The following SLC9B1 variants were observed in gnomAD, a reference collection of about 807,000 sequenced individuals.
SLC9B1 encodes sodium/hydrogen exchanger 9B1.
SLC9B1 carries 32 observed loss-of-function variants against 51.7 expected under a neutral mutation model. The observed-to-expected ratio is 0.62, with a 90% CI of 0.47 to 0.83. SLC9B1 has a LOEUF of 0.83. Among genes scored for constraint, SLC9B1 ranks in the 40% least tolerant of loss-of-function variants. SLC9B1 has a pLI of 0.00. For missense variants in SLC9B1, 406 were observed against 613.2 expected, an observed-to-expected ratio of 0.66 and a Z score of 3.57; for synonymous variants, 145 against 212.7, an observed-to-expected ratio of 0.68 and a Z score of 2.77.
intron 4 of SLC9B1, among the ~76,000 whole-genome samples, chr4:102,947,443 T>A (rs1375365176): frequency 6.6e-6 from 1 of 152,216 alleles, no homozygotes; most frequent in African/African-American, 2.4e-5. Context: ...GATGCAAACA[T>A]GGCTCACTGT....
intron 2 of SLC9B1, among the ~76,000 whole-genome samples, chr4:102,991,263 A>G (rs1466505084): frequency 1.3e-5 from 2 of 152,082 alleles, no homozygotes; most frequent in Admixed American, 1.3e-4. Context: ...CTTGCTCTAT[A>G]TATCTATAAA....
chr4:102,920,177 A>C (rs958250690), intron 7 of SLC9B1, among the ~76,000 whole-genome samples: 2 of 152,120 alleles, frequency 1.3e-5, no homozygotes, highest in Non-Finnish European at 2.9e-5. Flanking sequence ...ATTTAGGCGG[A>C]TGCCCCTCTT....
At chr4:102,986,806 T>C (rs1271097302) in intron 3 of SLC9B1, among the ~76,000 whole-genome samples, 1 of 152,212 alleles carries the variant, frequency 6.6e-6, no homozygotes, top group Non-Finnish European at 1.5e-5. Flanking sequence ...GTTTTTGATA[T>C]CTGGCATCTC....
intron 6 of SLC9B1, among the ~76,000 whole-genome samples, chr4:102,935,347 T>C (rs1328938974): frequency 6.6e-6 from 1 of 152,098 alleles, no homozygotes; most frequent in Non-Finnish European, 1.5e-5. Context: ...ATATCAAGGA[T>C]TTGCAAGGAT....
intron 1 of SLC9B1, among the ~76,000 whole-genome samples, chr4:103,003,783 G>A (rs548485475): frequency 1.3e-5 from 2 of 152,212 alleles, no homozygotes; most frequent in South Asian, 2.1e-4. Context: ...CAGAGCTAGG[G>A]GCCTGGTTTC....
In SLC9B1 at chr4:102,989,957, A is replaced by G. The variant is rs777163055; in HGVS notation, c.70-16T>C. 1.9e-5 allele frequency: 29 copies of G among 1,558,474 alleles called. No homozygotes were observed. In the African/African-American group the frequency reaches 3.7e-4, roughly 20 times the overall value. On this transcript the variant is annotated splice_polypyrimidine_tract_variant and intron_variant, in intron 2 of 11. Coordinates refer to ENST00000296422, the MANE Select transcript of SLC9B1 (RefSeq NM_139173.4). ...CAATGAGACTCTGTAGTAAAACAAG[A>G]AAATCTTTAAGGAACCATACTTTCT...
rs1302495182 is a variant in SLC9B1, at chr4:103,019,699, C to G, written c.-102G>C. The G allele has an allele frequency of 1.0e-6, 1 of 985,372 alleles. No individual in the cohort carries two copies. Among genetic ancestry groups the G allele is most frequent in the East Asian group, 1.1e-4 (1 of 8,824 alleles). The allele number at this position is 985,372 out of a possible 1,614,324, so 61.0% of individuals were successfully genotyped here. On this transcript the variant is annotated 5_prime_UTR_variant, in exon 1 of 12. Coordinates refer to ENST00000296422, the MANE Select transcript of SLC9B1 (RefSeq NM_139173.4). Reference sequence around the variant, plus strand: ...CACCCAGGTGGGCAGGGTGGTGACGCGAAAGCCCGGATAGACTTCCGCGCA... The same window carrying G: ...CACCCAGGTGGGCAGGGTGGTGACGGGAAAGCCCGGATAGACTTCCGCGCA...
intron 6 of SLC9B1, chr4:102,941,606 C>T (rs1337854181): frequency 1.3e-5 from 4 of 303,288 alleles, no homozygotes; most frequent in Non-Finnish European, 2.6e-5. Flanking sequence ...GGCCATTGTA[C>T]TCTAGCCTGG....
chr4:102,934,033 A>C (rs1434745968), intron 6 of SLC9B1, among the ~76,000 whole-genome samples: 2 of 152,206 alleles, frequency 1.3e-5, no homozygotes, highest in Non-Finnish European at 2.9e-5. Flanking sequence ...GGCCTCCCAA[A>C]GTGCTGGGAT....
In SLC9B1 at chr4:103,009,005, A is replaced by G. The variant is rs563276541; in HGVS notation, c.-2+10594T>C. On this transcript the variant is annotated intron_variant, in intron 1 of 11. Transcript: ENST00000296422. Reference sequence around the variant, plus strand: ...TAGTAGAGACGGGTTTCACCGTGTTAGCCAGGATGGTTTTGATCTCCTGAC... The same window carrying G: ...TAGTAGAGACGGGTTTCACCGTGTTGGCCAGGATGGTTTTGATCTCCTGAC... Among the ~76,000 whole-genome samples the G allele has an allele frequency of 1.4e-4, 22 of 151,962 alleles. No individual in the cohort carries two copies. The South Asian group carries it at 1.9e-3, about 13-fold the overall frequency.
At chr4:102,895,597 G>GTACACATACATAAATTA (rs1734498313) in intron 11 of SLC9B1, among the ~76,000 whole-genome samples, 1 of 152,098 alleles carries the variant, frequency 6.6e-6, no homozygotes, top group Non-Finnish European at 1.5e-5. Flanking sequence ...TAAATTAAAT[G>GTACACATACATAAATTA]TGTACACATA....
intron 9 of SLC9B1, 135 bp downstream of exon 9, chr4:102,910,304 G>T: frequency 4.8e-6 from 3 of 626,254 alleles, no homozygotes; most frequent in Non-Finnish European, 5.0e-6. Flanking sequence ...TTCTTTCCTC[G>T]ATTGATTCAT....
intron 11 of SLC9B1, among the ~76,000 whole-genome samples, chr4:102,893,281 CAAAAAAAAAAAAAAA>C (rs58316456): frequency 8.5e-5 from 3 of 35,162 alleles, no homozygotes; most frequent in African/African-American, 3.5e-4. Flanking sequence ...GACTCCATCT[CAAAAAAAAAAAAAAA>C]AAAAAAAAAG....
At chr4:102,890,173 C>A (rs1463373135) in intron 11 of SLC9B1, 2 of 152,202 alleles carry the variant, frequency 1.3e-5, no homozygotes, top group African/African-American at 2.4e-5. Flanking sequence ...ACAATTCACA[C>A]AATTCAGCTT....
intron 3 of SLC9B1, among the ~76,000 whole-genome samples, chr4:102,973,262 A>C (rs974349735): frequency 5.3e-5 from 8 of 152,172 alleles, no homozygotes; most frequent in Non-Finnish European, 7.4e-5. Flanking sequence ...GTAAATGATA[A>C]ATAAAACAAA....
chr4:102,897,528 C>T, downstream of SLC9B1: 1 of 274,116 alleles, frequency 3.6e-6, no homozygotes, highest in Non-Finnish European at 7.2e-6. Flanking sequence ...TATGCTCAAC[C>T]TGGGAATCAG....
chr4:103,010,764 G>A (rs549052340), intron 1 of SLC9B1, among the ~76,000 whole-genome samples: 6 of 152,272 alleles, frequency 3.9e-5, no homozygotes, highest in Admixed American at 2.6e-4. Context: ...TTTTATAAGG[G>A]CATTAATCCA....
At chr4:102,919,952 T>C (rs1735780930) in intron 7 of SLC9B1, among the ~76,000 whole-genome samples, 2 of 152,188 alleles carry the variant, frequency 1.3e-5, no homozygotes, top group South Asian at 4.1e-4. Context: ...GCCTATTGCC[T>C]CTAGACTCCA....
intron 5 of SLC9B1, 99 bp from the exon 6 acceptor site, chr4:102,945,419 C>T: frequency 3.8e-6 from 5 of 1,319,678 alleles, no homozygotes; most frequent in Non-Finnish European, 5.0e-6. Flanking sequence ...TCATAAGAAG[C>T]TTTCACTAAA....
Sources: allele counts gnomAD v4.1 joint callset (sites outside exome capture counted in the v4.1 genomes callset), GRCh38; gene constraint gnomAD v4.1.1; transcripts MANE v1.5; gene names NCBI Gene and HGNC (gene_info 2026-07-23, HGNC 2026-07-21).